The following PFKP variants were observed in gnomAD, a reference collection of about 807,000 sequenced individuals.
PFKP encodes phosphofructokinase, platelet.
In PFKP, 101 loss-of-function variants were observed where a neutral mutation model predicts 94.3. That is an observed-to-expected ratio of 1.07 (90% confidence interval 0.91 to 1.26). PFKP has a LOEUF of 1.26. PFKP is among the 50% of genes most tolerant of loss of function. The pLI is 0.00. For synonymous variants in PFKP, 573 were observed against 432.6 expected (o/e 1.32, Z -4.03); for missense variants, 1,145 against 1,103.3 (o/e 1.04, Z -0.53).
intron 16 of PFKP, among the ~76,000 whole-genome samples, chr10:3,128,271 A>G (rs1342894554): frequency 6.6e-6 from 1 of 152,206 alleles, no homozygotes; most frequent in East Asian, 1.9e-4. Flanking sequence ...GATCCTCCCA[A>G]GTCAAATAAC....
intron 1 of PFKP, among the ~76,000 whole-genome samples, chr10:3,071,637 T>C (rs184666378): frequency 4.6e-5 from 7 of 152,146 alleles, no homozygotes; most frequent in African/African-American, 1.4e-4. Flanking sequence ...TAGTCACAGG[T>C]TGTGGCTTCT....
chr10:3,093,355 G>GT (rs1834208032), intron 2 of PFKP, among the ~76,000 whole-genome samples: 1 of 152,182 alleles, frequency 6.6e-6, no homozygotes, highest in East Asian at 1.9e-4. Flanking sequence ...CTTCCTTGAA[G>GT]TGAAAACTAC....
intron 14 of PFKP, 57 bp from the exon 15 acceptor site, chr10:3,118,725 T>TGGCGTCCC: frequency 7.6e-7 from 1 of 1,318,048 alleles, no homozygotes; most frequent in South Asian, 1.2e-5. Context: ...CGTGGCGTCC[T>TGGCGTCCC]GCGGACCGCG....
intron 17 of PFKP, among the ~76,000 whole-genome samples, chr10:3,131,293 G>A (rs1234506901): frequency 6.6e-6 from 1 of 152,120 alleles, no homozygotes; most frequent in African/African-American, 2.4e-5. Flanking sequence ...TGAGTTCACT[G>A]TAGGATGTTT....
chr10:3,088,901 C>A (rs1036893296), intron 2 of PFKP, among the ~76,000 whole-genome samples: 3 of 151,896 alleles, frequency 2.0e-5, no homozygotes, highest in African/African-American at 7.3e-5. Context: ...TGAGTGAGAA[C>A]AGGCAATGTT....
At chr10:3,079,328 G>A (rs375701381) in intron 1 of PFKP, among the ~76,000 whole-genome samples, 20 of 151,504 alleles carry the variant, frequency 1.3e-4, no homozygotes, top group East Asian at 3.9e-4. Flanking sequence ...TCCACCTCCC[G>A]GGTTCACGCC....
intron 1 of PFKP, among the ~76,000 whole-genome samples, chr10:3,080,286 G>A (rs1832947862): frequency 2.0e-5 from 3 of 152,304 alleles, no homozygotes. Context: ...GGGAGGCTGA[G>A]GCGGATGGAT....
At chr10:3,086,276 C>T (rs146890766) in intron 2 of PFKP, among the ~76,000 whole-genome samples, 17 of 152,228 alleles carry the variant, frequency 1.1e-4, no homozygotes, top group South Asian at 4.2e-4. Flanking sequence ...ACAGAAGTGG[C>T]GGCCTGAACA....
chr10:3,099,274 G>T lies in PFKP; in HGVS notation c.187-1G>T, dbSNP rs1267741683. On this transcript the variant is annotated splice_acceptor_variant, in intron 2 of 21. Transcript: ENST00000381125. LOFTEE classifies it high-confidence loss of function. ...TAAAAGATTCTCCCTTTCTCCCCTA[G>T]GGCTACCAGGGCATGGTGGACGGAG... 3 of 1,612,024 alleles carry T rather than the reference G, an allele frequency of 1.9e-6. No individual in the cohort carries two copies. Among genetic ancestry groups the T allele is most frequent in the Non-Finnish European group, 1.7e-6 (2 of 1,178,218 alleles).
At chr10:3,125,509 G>A (rs534979114) in intron 16 of PFKP, among the ~76,000 whole-genome samples, 4 of 152,224 alleles carry the variant, frequency 2.6e-5, no homozygotes, top group Non-Finnish European at 4.4e-5. Context: ...TAGGGGAGCC[G>A]CAGGTACCAT....
chr10:3,136,702 TCTGCCCCAC>T lies in PFKP; in HGVS notation c.*128_*136del, dbSNP rs1839417592. 9.8e-7 allele frequency: 1 copy of T among 1,019,600 alleles called. No homozygotes were observed. The highest frequency in any genetic ancestry group is 1.6e-5 in the African/African-American group (1 of 63,520). 63.2% of individuals were successfully genotyped at this position (1,019,600 alleles called of 1,614,324 possible). A position where few individuals can be genotyped will look rare whatever the true frequency, so the allele number is the denominator to read the frequency against. ...TTAATACCTAATCGGCGAGTGCCCA[TCTGCCCCAC>T]CTGCTCCAGTGCGTGCTGTCTGTGG... On this transcript the variant is annotated 3_prime_UTR_variant, in exon 22 of 22. Coordinates refer to ENST00000381125, the MANE Select transcript of PFKP (RefSeq NM_002627.5).
rs147599686 is a variant in PFKP, at chr10:3,095,212, A to C, written c.187-4063A>C. 1.7e-3 allele frequency among the ~76,000 whole-genome samples: 259 copies of C among 152,340 alleles called. 3 individuals carry two copies. The highest frequency in any genetic ancestry group is 0.013 in the East Asian group (65 of 5,194). On this transcript the variant is annotated intron_variant, in intron 2 of 21. Transcript: ENST00000381125. ...TGTAACTTTAAAAAAAAAAACTTAC[A>C]TATGAGACGTCCGAGAAAGCCACCC... is the stretch of plus-strand genomic sequence containing the variant.
rs137953795 is a variant in PFKP at position 3,124,269 on chromosome 10, G to C, written c.1683+4225G>C. On this transcript the variant is annotated intron_variant, in intron 16 of 21. Coordinates refer to ENST00000381125, the MANE Select transcript of PFKP (RefSeq NM_002627.5). ...TCCAAGACCATAAATAGTTGGTTTT[G>C]CCACCACGTGGATGTCAAAAACACC... Among the ~76,000 whole-genome samples the C allele has an allele frequency of 5.6e-3, 858 of 152,344 alleles. 7 individuals carry two copies. Among genetic ancestry groups the C allele is most frequent in the Middle Eastern group, 0.031 (9 of 294 alleles).
chr10:3,092,052 C>A (rs1834081759), intron 2 of PFKP, among the ~76,000 whole-genome samples: 1 of 152,160 alleles, frequency 6.6e-6, no homozygotes, highest in Non-Finnish European at 1.5e-5. Context: ...AGCCTCTGGT[C>A]TTCCCAGATG....
chr10:3,082,735 T>A (rs537622364), intron 2 of PFKP, among the ~76,000 whole-genome samples: 286 of 152,318 alleles, frequency 1.9e-3, no homozygotes, highest in Non-Finnish European at 3.6e-3. Context: ...TTTTTTTTCT[T>A]TTTTAGACAG....
intron 16 of PFKP, among the ~76,000 whole-genome samples, chr10:3,121,569 C>CTA (rs1419224818): frequency 7.7e-6 from 1 of 130,694 alleles, no homozygotes; most frequent in East Asian, 2.2e-4. Flanking sequence ...GGGTCCTCTG[C>CTA]TATAAATAAC....
chr10:3,123,856 G>A (rs761838101), intron 16 of PFKP, among the ~76,000 whole-genome samples: 2 of 152,270 alleles, frequency 1.3e-5, no homozygotes, highest in African/African-American at 2.4e-5. Context: ...AGCCTGCACA[G>A]AGCGGCCCAA....
At chr10:3,104,762 A>G in intron 5 of PFKP, 2 of 342,416 alleles carry the variant, frequency 5.8e-6, no homozygotes, top group African/African-American at 2.2e-5. Context: ...TGTCGACAGC[A>G]GCTGCCGACT....
chr10:3,128,400 C>T (rs896143512), intron 16 of PFKP, among the ~76,000 whole-genome samples: 1 of 152,208 alleles, frequency 6.6e-6, no homozygotes, highest in African/African-American at 2.4e-5. Flanking sequence ...TGGTGTTTTC[C>T]TGAGGAAATG....
Sources: gnomAD v4.1 joint callset for allele counts (sites outside exome capture counted in the v4.1 genomes callset) on GRCh38, gnomAD v4.1.1 for gene constraint, MANE v1.5 for transcripts, NCBI Gene and HGNC (gene_info 2026-07-23, HGNC 2026-07-21) for gene names.